Variants in CCDC171 observed in about 807,000 individuals in gnomAD.
CCDC171 encodes the protein coiled-coil domain containing 171.
CCDC171 carries 177 observed loss-of-function variants against 168.2 expected under a neutral mutation model. The ratio of observed to expected loss-of-function variants is 1.05; its 90% CI spans 0.93 to 1.19. The LOEUF is 1.19. CCDC171 is among the 50% of genes most tolerant of loss of function. CCDC171 has a pLI of 0.00. For missense variants in CCDC171, 1,991 were observed against 1,539.0 expected (o/e 1.29, Z -4.91); for synonymous variants, 687 against 540.8 (o/e 1.27, Z -3.75).
chr9:16,050,912 A>C (rs957467407), intron 1 of CCDC171, among the ~76,000 whole-genome samples: 1 of 152,230 alleles, frequency 6.6e-6, no homozygotes, highest in African/African-American at 2.4e-5. Context: ...CACAATTACC[A>C]ACCATAGTGA....
chr9:15,884,243 G>C (rs2131378283), intron 24 of CCDC171, among the ~76,000 whole-genome samples: 1 of 149,186 alleles, frequency 6.7e-6, no homozygotes, highest in South Asian at 2.2e-4. Context: ...GATATTACCT[G>C]GTCTGGTGCA....
intron 4 of CCDC171, among the ~76,000 whole-genome samples, chr9:15,590,771 C>CTCTTTCTT (rs71506031): frequency 0.057 from 6,988 of 122,420 alleles, 310 homozygotes; most frequent in African/African-American, 0.067. Context: ...TTCTTTCTTT[C>CTCTTTCTT]TCTTTCTTTC....
intron 7 of CCDC171, among the ~76,000 whole-genome samples, chr9:15,629,556 G>A (rs142440688): frequency 0.032 from 4,928 of 152,316 alleles, 112 homozygotes; most frequent in Middle Eastern, 0.082. Flanking sequence ...TCTGATGGGT[G>A]TACCTGAAAA....
intron 4 of CCDC171, among the ~76,000 whole-genome samples, chr9:15,580,162 C>A (rs920676726): frequency 1.8e-4 from 27 of 152,210 alleles, no homozygotes; most frequent in African/African-American, 6.5e-4. Flanking sequence ...ACTTGGCAAG[C>A]CACATGTAGA....
rs144841248 is a variant in CCDC171 at position 16,006,981 on chromosome 9, G to T, written n.369-13608G>T. Reference sequence around the variant, plus strand: ...ATGGCTGGGTCAGTTGGTATTTCTAGTTCTAGATCCCTGAGGAATCGCCAC... The same window carrying T: ...ATGGCTGGGTCAGTTGGTATTTCTATTTCTAGATCCCTGAGGAATCGCCAC... On this transcript the variant is annotated intron_variant and non_coding_transcript_variant, in intron 3 of 9. Transcript: ENST00000486641. 1.1e-3 allele frequency among the ~76,000 whole-genome samples: 160 copies of T among 152,252 alleles called. 1 individual carries two copies. The East Asian group carries it at 0.03, about 29-fold the overall frequency.
chr9:15,716,277 C>T (rs1180002005), intron 11 of CCDC171, among the ~76,000 whole-genome samples: 5 of 152,132 alleles, frequency 3.3e-5, no homozygotes, highest in African/African-American at 1.2e-4. Flanking sequence ...TGGAATTTCA[C>T]TTTTGAAAAG....
chr9:15,711,577 T>C (rs979359085), intron 11 of CCDC171, among the ~76,000 whole-genome samples: 1 of 152,180 alleles, frequency 6.6e-6, no homozygotes, highest in African/African-American at 2.4e-5. Flanking sequence ...GTGTGCATTA[T>C]AAGATAAGAA....
chr9:16,034,631 C>T (rs1833430253), intron 6 of CCDC171, among the ~76,000 whole-genome samples: 1 of 152,190 alleles, frequency 6.6e-6, no homozygotes, highest in Non-Finnish European at 1.5e-5. Flanking sequence ...TGTCGTAGTT[C>T]TGTCCATCAG....
At chr9:15,612,102 T>G (rs1328803460) in intron 6 of CCDC171, among the ~76,000 whole-genome samples, 1 of 152,238 alleles carries the variant, frequency 6.6e-6, no homozygotes, top group Non-Finnish European at 1.5e-5. Flanking sequence ...ACCTTGATCT[T>G]GTATTTCCCA....
At chr9:15,667,743 C>T (rs2048833074) in intron 9 of CCDC171, among the ~76,000 whole-genome samples, 1 of 152,138 alleles carries the variant, frequency 6.6e-6, no homozygotes, top group Admixed American at 6.5e-5. Context: ...TGACAAAAAT[C>T]ACGAAGATTG....
At chr9:15,770,493 C>T (rs2056958104) in intron 18 of CCDC171, among the ~76,000 whole-genome samples, 1 of 152,108 alleles carries the variant, frequency 6.6e-6, no homozygotes, top group African/African-American at 2.4e-5. Context: ...AAGGTATCTA[C>T]AGTACAAATG....
intron 8 of CCDC171, among the ~76,000 whole-genome samples, chr9:16,036,979 A>G (rs956782009): frequency 1.3e-5 from 2 of 152,236 alleles, no homozygotes; most frequent in Middle Eastern, 3.2e-3. Context: ...TTGTGCTCAT[A>G]GAAGTAAAGA....
chr9:15,670,818 A>G (rs944765025), intron 9 of CCDC171, among the ~76,000 whole-genome samples: 1 of 152,140 alleles, frequency 6.6e-6, no homozygotes, highest in African/African-American at 2.4e-5. Context: ...GTCAGTGCCT[A>G]GAAAGGTACA....
chr9:15,681,903 A>G (rs10733295), intron 10 of CCDC171, among the ~76,000 whole-genome samples: 82,429 of 151,836 alleles, frequency 0.54, 22,684 homozygotes, highest in East Asian at 0.77. Flanking sequence ...ATGATTTTAC[A>G]TACCCTAGTG....
intron 24 of CCDC171, among the ~76,000 whole-genome samples, chr9:15,897,731 G>A (rs1448600355): frequency 6.6e-6 from 1 of 152,138 alleles, no homozygotes; most frequent in African/African-American, 2.4e-5. Context: ...GGATTCAATT[G>A]TTGTTATATG....
chr9:16,034,284 T>A (rs1374742541), intron 6 of CCDC171, among the ~76,000 whole-genome samples: 1 of 152,210 alleles, frequency 6.6e-6, no homozygotes, highest in Admixed American at 6.5e-5. Context: ...GCCTTCCTTA[T>A]GAAGAGATGC....
In CCDC171 at chr9:15,791,542, C is replaced by G. The variant is rs1477567650; in HGVS notation, c.3267+6848C>G. 5.3e-5 allele frequency among the ~76,000 whole-genome samples: 8 copies of G among 152,294 alleles called. No homozygotes were observed. In the East Asian group the frequency reaches 1.5e-3, roughly 29 times the overall value. Reference sequence around the variant, plus strand: ...GATATACAATCATGTCATCTGCAAACAGGGACAATTTGACTACCTCTTTTC... The same window carrying G: ...GATATACAATCATGTCATCTGCAAAGAGGGACAATTTGACTACCTCTTTTC... On this transcript the variant is annotated intron_variant, in intron 21 of 25. Coordinates refer to ENST00000380701, the MANE Select transcript of CCDC171 (RefSeq NM_173550.4).
chr9:15,874,075 T>C (rs1817532803), intron 23 of CCDC171, among the ~76,000 whole-genome samples: 1 of 152,154 alleles, frequency 6.6e-6, no homozygotes, highest in African/African-American at 2.4e-5. Flanking sequence ...CTAGAGTACA[T>C]GTTATTGAAG....
the CCDC171 span, among the ~76,000 whole-genome samples, chr9:16,084,166 T>C: frequency 2.6e-3 from 397 of 152,302 alleles, 1 homozygote; most frequent in Non-Finnish European, 4.1e-3. Context: ...AAAAGCTGCT[T>C]CTTTAAATTG....
Sources: allele counts gnomAD v4.1 joint callset (sites outside exome capture counted in the v4.1 genomes callset), GRCh38; gene constraint gnomAD v4.1.1; transcripts MANE v1.5; gene names NCBI Gene and HGNC (gene_info 2026-07-23, HGNC 2026-07-21).